The following COMMD3 variants were observed in gnomAD, a reference collection of about 807,000 sequenced individuals.
COMMD3 encodes the protein COMM domain-containing protein 3.
In COMMD3, 31 loss-of-function variants were observed where a neutral mutation model predicts 31.2. The observed-to-expected ratio is 0.99, with a 90% CI of 0.75 to 1.34. COMMD3 has a LOEUF of 1.34. Ranked by LOEUF, COMMD3 falls within the 40% of genes most tolerant of loss-of-function variation. The pLI is 0.00. For missense variants in COMMD3, 274 were observed against 236.9 expected, an observed-to-expected ratio of 1.16 and a Z score of -1.03; for synonymous variants, 108 against 87.3, an observed-to-expected ratio of 1.24 and a Z score of -1.32.
At chr10:22,318,372 G>A (rs1835895322) in intron 4 of COMMD3, 66 bp downstream of exon 4, 13 of 1,557,218 alleles carry the variant, frequency 8.3e-6, no homozygotes, top group Non-Finnish European at 9.5e-6. Flanking sequence ...GAGAGTGTTG[G>A]TGTGAAACAA....
At position 22,317,938 on chromosome 10, in the gene COMMD3, C is replaced by T. The variant is rs1407448055; in HGVS notation, c.194C>T (p.Ala65Val). ...DPVVLKHCHA[A>V]AATYILEAGK... The stretch of plus-strand genomic sequence containing the variant: ...GTGGTTTTAAAACATTGTCATGCAG[C>T]AGCTGCAACTTACATACTAGAGGCA... Residue 65 changes from alanine to valine, a missense_variant, in exon 2 of 8, where the codon GCA becomes GTA. Physicochemically the swap from Ala to Val is moderately conservative, Grantham distance 64. Coordinates refer to ENST00000376836, the MANE Select transcript of COMMD3 (RefSeq NM_012071.4). 3.1e-6 allele frequency: 5 copies of T among 1,614,000 alleles called. No individual in the cohort carries two copies. Among genetic ancestry groups the T allele is most frequent in the Non-Finnish European group, 4.2e-6 (5 of 1,179,938 alleles).
chr10:22,319,954 C>T lies in COMMD3; in HGVS notation c.544C>T (p.Leu182Phe), dbSNP rs1835931822. 2 of 1,614,022 alleles carry T rather than the reference C, an allele frequency of 1.2e-6. No homozygotes were observed. The highest frequency in any genetic ancestry group is 1.7e-6 in the Non-Finnish European group (2 of 1,179,980). The part of the protein sequence containing the change: ...MEQLQDLVGK[L>F]KDASKSLERA... Reference sequence around the variant, plus strand: ...CGTCTTTTAGGACTTGGTGGGGAAACTTAAAGATGCTTCGAAAAGCCTGGA... The same window carrying T: ...CGTCTTTTAGGACTTGGTGGGGAAATTTAAAGATGCTTCGAAAAGCCTGGA... The change falls in exon 8 of 8, where the codon CTT becomes TTT. Residue 182 changes from leucine (L) to phenylalanine (F), a missense_variant. Physicochemically the swap from Leu to Phe is conservative, Grantham distance 22. Transcript: ENST00000376836.
chr10:22,317,146 G>A (rs1372749300), intron 1 of COMMD3, among the ~76,000 whole-genome samples: 1 of 152,232 alleles, frequency 6.6e-6, no homozygotes, highest in Non-Finnish European at 1.5e-5. Context: ...CAGGATGCGA[G>A]TGTCTTTTAA....
At position 22,318,271 on chromosome 10, in the gene COMMD3, GAATAAT is replaced by G; in HGVS notation, c.318_323del (p.Asn106_Asn107del). On this transcript the variant is annotated inframe_deletion and splice_region_variant, in exon 4 of 8. Coordinates refer to ENST00000376836, the MANE Select transcript of COMMD3 (RefSeq NM_012071.4). ...TTTCTTGCTTTCTTTTTTCTCTCCAGAATAATAAGAATTCCCTAGAAATCCTACTGG... is the reference window on the plus strand; with the variant it reads ...TTTCTTGCTTTCTTTTTTCTCTCCAGAAGAATTCCCTAGAAATCCTACTGG... The G allele has an allele frequency of 6.2e-7, 1 of 1,601,646 alleles. No homozygotes were observed. The highest frequency in any genetic ancestry group is 2.2e-5 in the East Asian group (1 of 44,802).
chr10:22,318,367 T>A, intron 4 of COMMD3, 61 bp downstream of exon 4: 1 of 1,560,644 alleles, frequency 6.4e-7, no homozygotes, highest in Non-Finnish European at 8.6e-7. Flanking sequence ...GAATGGAGAG[T>A]GTTGGTGTGA....
intron 2 of COMMD3, 39 bp downstream of exon 2, chr10:22,318,034 C>G (rs1275690145): frequency 6.2e-7 from 1 of 1,610,532 alleles, no homozygotes; most frequent in Non-Finnish European, 8.5e-7. Flanking sequence ...TTTTCAAATA[C>G]TACCTTAATG....
Position 22,320,228 on chromosome 10 carries a change from A to T in COMMD3, c.*230A>T. 2 of 1,203,766 alleles carry T rather than the reference A, an allele frequency of 1.7e-6. No homozygotes were observed. Among genetic ancestry groups the T allele is most frequent in the South Asian group, 3.2e-5 (2 of 62,452 alleles). 74.6% of individuals were successfully genotyped at this position (1,203,766 alleles called of 1,614,324 possible). ...TTAGTAGTAACTGTCCATTTATCCTATTTTGATCTTTTTCAAGTCTTCTGA... is the reference window on the plus strand; with the variant it reads ...TTAGTAGTAACTGTCCATTTATCCTTTTTTGATCTTTTTCAAGTCTTCTGA... On this transcript the variant is annotated 3_prime_UTR_variant, in exon 8 of 8. Coordinates refer to ENST00000376836, the MANE Select transcript of COMMD3 (RefSeq NM_012071.4).
intron 6 of COMMD3, 30 bp from the exon 7 acceptor site, chr10:22,318,929 T>C: frequency 6.2e-7 from 1 of 1,611,560 alleles, no homozygotes. Context: ...AAACAGCGTT[T>C]CTTGTTGCGT....
chr10:22,316,897 G>A (rs1835861025), intron 1 of COMMD3: 1 of 174,020 alleles, frequency 5.7e-6, no homozygotes, highest in South Asian at 1.6e-4. Flanking sequence ...CGGCTGTTTT[G>A]ACAGTTGGAC....
intron 1 of COMMD3, among the ~76,000 whole-genome samples, chr10:22,317,206 CAT>C (rs1484881747): frequency 6.6e-6 from 1 of 152,164 alleles, no homozygotes; most frequent in Non-Finnish European, 1.5e-5. Flanking sequence ...GGATTGAAGA[CAT>C]ATTTTAAGAC....
Position 22,318,949 on chromosome 10 carries a change from C to G in COMMD3, c.469-10C>G. On this transcript the variant is annotated splice_polypyrimidine_tract_variant and intron_variant, in intron 6 of 7. Coordinates refer to ENST00000376836, the MANE Select transcript of COMMD3 (RefSeq NM_012071.4). The stretch of plus-strand genomic sequence containing the variant: ...GCGTTTCTTGTTGCGTGTTTTTTTT[C>G]CTGCCCTAGAACACTGATTCCCCAT... 1 of 1,610,816 alleles carries G rather than the reference C, an allele frequency of 6.2e-7. No homozygotes were observed. The highest frequency in any genetic ancestry group is 1.1e-5 in the South Asian group (1 of 90,474).
chr10:22,319,384 T>C (rs982051251), intron 7 of COMMD3: 1 of 188,104 alleles, frequency 5.3e-6, no homozygotes, highest in African/African-American at 2.3e-5. Flanking sequence ...ACTGTCAAAA[T>C]TGGATTTTGA....
rs1260094425 is a variant in COMMD3, at chr10:22,316,430, G to A, written c.13G>A (p.Glu5Lys). ...CGGCGCGCTCACAATGGAGCTCTCGGAGTCTGTGCAGAAAGGCTTCCAGAT... is the reference window on the plus strand; with the variant it reads ...CGGCGCGCTCACAATGGAGCTCTCGAAGTCTGTGCAGAAAGGCTTCCAGAT... MELS[E>K]SVQKGFQMLA... The change falls in exon 1 of 8, where the codon GAG (glutamate) becomes AAG (lysine). Residue 5 changes from glutamate (E) to lysine (K), a missense_variant. By Grantham distance (56) the Glu-to-Lys change is moderately conservative (BLOSUM62 1). Transcript: ENST00000376836. 1.3e-6 allele frequency: 2 copies of A among 1,546,424 alleles called. No homozygotes were observed. The highest frequency in any genetic ancestry group is 2.5e-5 in the East Asian group (1 of 40,518).
chr10:22,318,564 G>T, intron 4 of COMMD3, 89 bp from the exon 5 acceptor site: 1 of 1,251,006 alleles, frequency 8.0e-7, no homozygotes, highest in African/African-American at 1.5e-5. Context: ...GGAGTTGGGG[G>T]TGGAAAGTAG....
At chr10:22,319,417 AGGG>A (rs990459524) in intron 7 of COMMD3, 1 of 174,632 alleles carries the variant, frequency 5.7e-6, no homozygotes, top group African/African-American at 2.4e-5. Flanking sequence ...GACTTTATAA[AGGG>A]GGAAGTATAC....
At position 22,319,103 on chromosome 10, in the gene COMMD3, TTAATC is replaced by T. The variant is rs3834712; in HGVS notation, c.528+89_528+93del. 1,678 of 1,405,492 alleles carry T rather than the reference TTAATC, an allele frequency of 1.2e-3. 31 individuals are homozygous for T. In the East Asian group the frequency reaches 0.035, roughly 30 times the overall value. The allele number at this position is 1,405,492 out of a possible 1,614,324, so 87.1% of individuals were successfully genotyped here. A position where few individuals can be genotyped will look rare whatever the true frequency, so the allele number is the denominator to read the frequency against. On this transcript the variant is annotated intron_variant, in intron 7 of 7. Coordinates refer to ENST00000376836, the MANE Select transcript of COMMD3 (RefSeq NM_012071.4). ...TACTCTTGGGAAGTTCAAAAGAAAA[TTAATC>T]TAACCATTTGTCAGCAGATAATGAA...
chr10:22,320,300 C>A lies in COMMD3; in HGVS notation c.*302C>A. 2.0e-6 allele frequency: 1 copy of A among 512,146 alleles called. No homozygotes were observed. Among genetic ancestry groups the A allele is most frequent in the Non-Finnish European group, 3.2e-6 (1 of 317,320 alleles). The allele number at this position is 512,146 out of a possible 1,614,324, so 31.7% of individuals were successfully genotyped here. A position where few individuals can be genotyped will look rare whatever the true frequency, so the allele number is the denominator to read the frequency against. On this transcript the variant is annotated 3_prime_UTR_variant, in exon 8 of 8. Transcript: ENST00000376836. ...CCCTGAATAAATAAGGTGTTGTTTTCCACAAAGAGTGATGATATTTTGTTT... is the reference window on the plus strand; with the variant it reads ...CCCTGAATAAATAAGGTGTTGTTTTACACAAAGAGTGATGATATTTTGTTT...
chr10:22,316,431 A>T lies in COMMD3; in HGVS notation c.14A>T (p.Glu5Val). The T allele has an allele frequency of 6.5e-7, 1 of 1,546,392 alleles. No individual in the cohort carries two copies. Reference protein sequence around the residue: MELSESVQKGFQMLA... With the variant: MELSVSVQKGFQMLA... ...GGCGCGCTCACAATGGAGCTCTCGG[A>T]GTCTGTGCAGAAAGGCTTCCAGATG... Residue 5 changes from glutamate (E) to valine (V), a missense_variant, in exon 1 of 8, where the codon GAG (glutamate) becomes GTG (valine). Coordinates refer to ENST00000376836, the MANE Select transcript of COMMD3 (RefSeq NM_012071.4).
Position 22,320,148 on chromosome 10 carries a change from T to G in COMMD3, c.*150T>G. Reference sequence around the variant, plus strand: ...ATACCATTCATCAATTTTGACACTTTAAAAACGTGTGAAAGGGTTAAGAGG... The same window carrying G: ...ATACCATTCATCAATTTTGACACTTGAAAAACGTGTGAAAGGGTTAAGAGG... On this transcript the variant is annotated 3_prime_UTR_variant, in exon 8 of 8. Transcript: ENST00000376836. 1 of 1,541,506 alleles carries G rather than the reference T, an allele frequency of 6.5e-7. No individual in the cohort carries two copies. Among genetic ancestry groups the G allele is most frequent in the Non-Finnish European group, 8.8e-7 (1 of 1,141,904 alleles).
Sources: gnomAD v4.1 joint callset for allele counts (sites outside exome capture counted in the v4.1 genomes callset) on GRCh38, gnomAD v4.1.1 for gene constraint, MANE v1.5 for transcripts, NCBI Gene and HGNC (gene_info 2026-07-23, HGNC 2026-07-21) for gene names.